The following LSAMP variants were observed in gnomAD, a reference collection of about 807,000 sequenced individuals.
LSAMP encodes the protein limbic system-associated membrane protein.
LSAMP carries 7 observed loss-of-function variants against 38.6 expected under a neutral mutation model. The observed-to-expected ratio is 0.18, with a 90% CI of 0.10 to 0.34. LSAMP has a LOEUF of 0.34. Among genes scored for constraint, LSAMP ranks in the 10% least tolerant of loss-of-function variants. The pLI is 1.00. For synonymous variants in LSAMP, 154 were observed against 166.8 expected (o/e 0.92, Z 0.59); for missense variants, 313 against 420.0 (o/e 0.75, Z 2.23).
chr3:116,222,912 G>A (rs1344563309), intron 1 of LSAMP, among the ~76,000 whole-genome samples: 1 of 150,734 alleles, frequency 6.6e-6, no homozygotes, highest in Non-Finnish European at 1.5e-5. Context: ...ATTTTTTTTT[G>A]TATTTTTAGT....
intron 2 of LSAMP, among the ~76,000 whole-genome samples, chr3:116,060,738 C>G (rs1411261392): frequency 6.6e-6 from 1 of 151,976 alleles, no homozygotes; most frequent in East Asian, 1.9e-4. Context: ...CCAGCCTGGG[C>G]AACAAGAGTG....
At chr3:115,911,380 C>T (rs1417908578) in intron 3 of LSAMP, among the ~76,000 whole-genome samples, 1 of 152,126 alleles carries the variant, frequency 6.6e-6, no homozygotes, top group Non-Finnish European at 1.5e-5. Flanking sequence ...TTTTCTGAGA[C>T]AGATTCTCAC....
At chr3:116,146,285 C>T (rs1392614425) in intron 1 of LSAMP, among the ~76,000 whole-genome samples, 1 of 151,926 alleles carries the variant, frequency 6.6e-6, no homozygotes, top group East Asian at 1.9e-4. Flanking sequence ...ATGGCATCAG[C>T]TCATGTTATC....
chr3:115,880,860 A>G (rs1262136278), intron 3 of LSAMP, among the ~76,000 whole-genome samples: 1 of 151,782 alleles, frequency 6.6e-6, no homozygotes, highest in Non-Finnish European at 1.5e-5. Context: ...ACATGGTAAA[A>G]CCCTGTCTCT....
intron 3 of LSAMP, among the ~76,000 whole-genome samples, chr3:115,990,595 C>G (rs1402125625): frequency 6.6e-6 from 1 of 152,044 alleles, no homozygotes; most frequent in East Asian, 1.9e-4. Context: ...CCAAATGTAG[C>G]TTGGTTCTAA....
At chr3:116,273,707 T>TATATATATATATATATATACACAC (rs1307543165) in intron 1 of LSAMP, among the ~76,000 whole-genome samples, 22 of 102,594 alleles carry the variant, frequency 2.1e-4, no homozygotes, top group Non-Finnish European at 3.1e-4. Flanking sequence ...TATATATATA[T>TATATATATATATATATATACACAC]ACACACACAC....
intron 3 of LSAMP, among the ~76,000 whole-genome samples, chr3:116,000,629 G>A (rs1033182869): frequency 1.3e-5 from 2 of 152,152 alleles, no homozygotes; most frequent in Non-Finnish European, 2.9e-5. Flanking sequence ...TCTGTTCTAT[G>A]AATTATAACA....
intron 3 of LSAMP, among the ~76,000 whole-genome samples, chr3:115,968,344 CG>C (rs1938895349): frequency 6.6e-6 from 1 of 151,844 alleles, no homozygotes; most frequent in African/African-American, 2.4e-5. Flanking sequence ...CCAAGGTCCA[CG>C]GCAATTACTA....
intron 1 of LSAMP, among the ~76,000 whole-genome samples, chr3:116,343,227 CT>C (rs139890941): frequency 0.022 from 3,343 of 152,168 alleles, 49 homozygotes; most frequent in Non-Finnish European, 0.033. Context: ...TCAGGGGAAA[CT>C]TTAAAAAGTC....
At chr3:116,204,661 C>G (rs931941068) in intron 1 of LSAMP, among the ~76,000 whole-genome samples, 4 of 151,662 alleles carry the variant, frequency 2.6e-5, no homozygotes, top group East Asian at 1.9e-4. Flanking sequence ...ATTAGGGAAT[C>G]CTTTCCCCAT....
intron 3 of LSAMP, among the ~76,000 whole-genome samples, chr3:115,913,498 C>T (rs1184386454): frequency 6.6e-6 from 1 of 152,118 alleles, no homozygotes; most frequent in Admixed American, 6.5e-5. Context: ...TAGCAGGAGC[C>T]GGTGTACTAT....
intron 3 of LSAMP, among the ~76,000 whole-genome samples, chr3:115,907,892 A>C (rs1263717922): frequency 6.6e-6 from 1 of 152,160 alleles, no homozygotes; most frequent in African/African-American, 2.4e-5. Context: ...TTTTATTATG[A>C]AGATCAACAT....
chr3:115,862,417 G>T (rs995350308), intron 3 of LSAMP, among the ~76,000 whole-genome samples: 1 of 152,160 alleles, frequency 6.6e-6, no homozygotes, highest in African/African-American at 2.4e-5. Context: ...CAATAACCCC[G>T]TCTAGCCCTT....
intron 1 of LSAMP, among the ~76,000 whole-genome samples, chr3:116,354,247 C>T (rs180863738): frequency 5.6e-4 from 85 of 152,272 alleles, no homozygotes; most frequent in Admixed American, 8.5e-4. Flanking sequence ...TCCAAGACAT[C>T]GCTGAATCAA....
chr3:116,083,202 G>C (rs12633187), intron 2 of LSAMP, among the ~76,000 whole-genome samples: 3 of 152,054 alleles, frequency 2.0e-5, no homozygotes, highest in Non-Finnish European at 4.4e-5. Flanking sequence ...TAGCACCTTA[G>C]GACAGGAGTG....
chr3:116,246,596 C>T (rs965165227), intron 1 of LSAMP, among the ~76,000 whole-genome samples: 2 of 152,174 alleles, frequency 1.3e-5, no homozygotes, highest in Non-Finnish European at 2.9e-5. Flanking sequence ...CCATCTGCTC[C>T]TGTAGCGATG....
chr3:116,176,006 G>T (rs1053749042), intron 1 of LSAMP, among the ~76,000 whole-genome samples: 2 of 152,062 alleles, frequency 1.3e-5, no homozygotes, highest in African/African-American at 2.4e-5. Context: ...AGCTTTGGAG[G>T]TCACCCAATT....
At chr3:116,276,281 A>G (rs80330464) in intron 1 of LSAMP, among the ~76,000 whole-genome samples, 10,955 of 152,226 alleles carry the variant, frequency 0.072, 793 homozygotes, top group African/African-American at 0.19. Flanking sequence ...ATCCTCAAAA[A>G]CTACATTTGG....
chr3:116,091,157 T>A (rs1000954294), intron 1 of LSAMP, among the ~76,000 whole-genome samples: 2 of 152,204 alleles, frequency 1.3e-5, no homozygotes, highest in African/African-American at 4.8e-5. Context: ...CGTTCCATGC[T>A]GAGAAAAAGA....
Sources: allele counts gnomAD v4.1 joint callset (sites outside exome capture counted in the v4.1 genomes callset), GRCh38; gene constraint gnomAD v4.1.1; transcripts MANE v1.5; gene names NCBI Gene and HGNC (gene_info 2026-07-23, HGNC 2026-07-21).